Variants in PAQR5 observed in about 807,000 individuals in gnomAD.
PAQR5 encodes progestin and adipoQ receptor family member 5.
In PAQR5, 20 loss-of-function variants were observed where a neutral mutation model predicts 34.5. The ratio of observed to expected loss-of-function variants is 0.58; its 90% confidence interval spans 0.41 to 0.84. The LOEUF (loss-of-function observed/expected upper bound fraction) is 0.84. Among genes scored for constraint, PAQR5 ranks in the 40% least tolerant of loss-of-function variants. The pLI, the probability that PAQR5 is intolerant of heterozygous loss-of-function variation, is 0.00. For missense variants in PAQR5, 378 were observed against 412.7 expected (o/e 0.92, Z 0.73); for synonymous variants, 131 against 155.6 (o/e 0.84, Z 1.18).
intron 1 of PAQR5, among the ~76,000 whole-genome samples, chr15:69,319,470 C>T (rs2054044471): frequency 6.6e-6 from 1 of 151,664 alleles, no homozygotes; most frequent in African/African-American, 2.4e-5. Context: ...TTGGGCTGAG[C>T]ATGGGACTCA....
Position 69,382,734 on chromosome 15 carries a change from G to GTA in PAQR5, c.180-1933_180-1932dup, listed in dbSNP as rs1241083048. Reference sequence around the variant, plus strand: ...TGTATGTATATATGTATGTATATGTGTATATATATATGTGTGTATATATAT... The same window carrying GTA: ...TGTATGTATATATGTATGTATATGTGTATATATATATATGTGTGTATATATAT... On this transcript the variant is annotated intron_variant, in intron 4 of 8. Transcript: ENST00000395407. The GTA allele has an allele frequency of 3.6e-3, 469 of 131,558 alleles. 9 individuals are homozygous for GTA. Among genetic ancestry groups the GTA allele is most frequent in the African/African-American group, 0.012 (415 of 33,452 alleles). The allele number at this position is 131,558 out of a possible 1,614,324, so 8.1% of individuals were successfully genotyped here.
At chr15:69,391,473 C>T (rs549463005) in intron 6 of PAQR5, 50 of 253,072 alleles carry the variant, frequency 2.0e-4, no homozygotes, top group South Asian at 1.5e-3. Flanking sequence ...GAGTCCCTGC[C>T]GTGGATGAAG....
rs2140285965 is a variant in PAQR5 at position 69,405,161 on chromosome 15, CACAGAA to C, written c.*1341_*1346del. On this transcript the variant is annotated 3_prime_UTR_variant, in exon 9 of 9. Coordinates refer to ENST00000395407, the MANE Select transcript of PAQR5 (RefSeq NM_017705.4). Reference sequence around the variant, plus strand: ...AGTATTTCATGGTGTTTTCAGGGAACACAGAAATGCGGATGCAAAACAACTTTTGAC... The same window carrying C: ...AGTATTTCATGGTGTTTTCAGGGAACATGCGGATGCAAAACAACTTTTGAC... 3 of 393,732 alleles carry C rather than the reference CACAGAA, an allele frequency of 7.6e-6. No homozygotes were observed. The highest frequency in any genetic ancestry group is 4.1e-5 in the African/African-American group (2 of 48,632). The allele number at this position is 393,732 out of a possible 1,614,324, so 24.4% of individuals were successfully genotyped here. A position where few individuals can be genotyped will look rare whatever the true frequency, so the allele number is the denominator to read the frequency against.
At chr15:69,356,959 A>T (rs2055095036) in intron 2 of PAQR5, among the ~76,000 whole-genome samples, 1 of 151,950 alleles carries the variant, frequency 6.6e-6, no homozygotes, top group Admixed American at 6.6e-5. Flanking sequence ...TGTTTGTATC[A>T]TGGGGGCAGA....
chr15:69,365,038 C>T (rs967172945), intron 3 of PAQR5, among the ~76,000 whole-genome samples: 1 of 147,796 alleles, frequency 6.8e-6, no homozygotes, highest in Non-Finnish European at 1.5e-5. Flanking sequence ...ATCTGGCCTT[C>T]CCTTATGAAT....
intron 1 of PAQR5, among the ~76,000 whole-genome samples, chr15:69,309,509 G>C (rs1359664751): frequency 6.6e-6 from 1 of 152,188 alleles, no homozygotes; most frequent in Admixed American, 6.5e-5. Flanking sequence ...CGTGAGGAGA[G>C]AGTGAAGAAG....
At chr15:69,303,718 C>A (rs1315287443) in intron 1 of PAQR5, among the ~76,000 whole-genome samples, 1 of 152,108 alleles carries the variant, frequency 6.6e-6, no homozygotes, top group African/African-American at 2.4e-5. Context: ...GATAACCGAC[C>A]AGTCTGAGAA....
rs550166971 is a variant in PAQR5, at chr15:69,366,312, T to C, written c.51+6181T>C. On this transcript the variant is annotated intron_variant, in intron 3 of 8. Transcript: ENST00000395407. The stretch of plus-strand genomic sequence containing the variant: ...CTTTGTTTTAATGGCCAAATCATAG[T>C]CTATTGAATGGATATACCATAGTTT... Among the ~76,000 whole-genome samples the C allele has an allele frequency of 5.3e-5, 8 of 152,368 alleles. No homozygotes were observed. The East Asian group carries it at 1.5e-3, about 29-fold the overall frequency.
At chr15:69,389,111 C>T (rs907260595) in intron 5 of PAQR5, among the ~76,000 whole-genome samples, 3 of 152,240 alleles carry the variant, frequency 2.0e-5, no homozygotes, top group South Asian at 2.1e-4. Flanking sequence ...ATGACATCCT[C>T]GTCTCAGCAA....
intron 1 of PAQR5, among the ~76,000 whole-genome samples, chr15:69,330,668 G>T (rs1459605148): frequency 6.6e-6 from 1 of 152,094 alleles, no homozygotes; most frequent in African/African-American, 2.4e-5. Flanking sequence ...CTGGCTCATT[G>T]GTTACCCACC....
intron 4 of PAQR5, among the ~76,000 whole-genome samples, chr15:69,383,267 G>A (rs1030015445): frequency 3.4e-5 from 2 of 58,564 alleles, no homozygotes; most frequent in Admixed American, 2.2e-4. Flanking sequence ...GAGGGTGAGC[G>A]GCCCTGCGTG....
At chr15:69,343,536 G>A (rs1174007346) in intron 2 of PAQR5, among the ~76,000 whole-genome samples, 1 of 152,234 alleles carries the variant, frequency 6.6e-6, no homozygotes, top group Non-Finnish European at 1.5e-5. Context: ...TCCCTTTAAA[G>A]AGCAGAGTAG....
At chr15:69,300,325 G>A (rs1162363467) in intron 1 of PAQR5, among the ~76,000 whole-genome samples, 3 of 152,162 alleles carry the variant, frequency 2.0e-5, no homozygotes, top group Non-Finnish European at 2.9e-5. Flanking sequence ...GTTCCCTGCC[G>A]TAGCAATAGT....
At chr15:69,348,227 G>A (rs1007573601) in intron 2 of PAQR5, among the ~76,000 whole-genome samples, 3 of 152,178 alleles carry the variant, frequency 2.0e-5, no homozygotes, top group Admixed American at 1.3e-4. Context: ...ATTAATAATA[G>A]GAAGTGTTTG....
At chr15:69,380,334 G>T in intron 4 of PAQR5, 1 of 249,238 alleles carries the variant, frequency 4.0e-6, no homozygotes, top group South Asian at 7.1e-5. Context: ...GGTCTTCCAG[G>T]AGCCCTGGTT....
intron 3 of PAQR5, among the ~76,000 whole-genome samples, chr15:69,373,543 C>T (rs563724293): frequency 8.5e-5 from 13 of 152,286 alleles, no homozygotes; most frequent in African/African-American, 2.2e-4. Flanking sequence ...TAGATCAATA[C>T]GTCTATAATG....
At chr15:69,348,637 T>G (rs2054833720) in intron 2 of PAQR5, among the ~76,000 whole-genome samples, 1 of 152,110 alleles carries the variant, frequency 6.6e-6, no homozygotes, top group Non-Finnish European at 1.5e-5. Flanking sequence ...TCCAAGACGT[T>G]CCAAGTGAAG....
intron 1 of PAQR5, among the ~76,000 whole-genome samples, chr15:69,312,867 C>G (rs778373846): frequency 6.6e-6 from 1 of 152,028 alleles, no homozygotes; most frequent in East Asian, 1.9e-4. Context: ...TGGGGATTTG[C>G]CTGTTCTAAT....
In PAQR5 at chr15:69,403,948, G is replaced by A; in HGVS notation, c.*126G>A. 2 of 994,548 alleles carry A rather than the reference G, an allele frequency of 2.0e-6. No individual in the cohort carries two copies. The highest frequency in any genetic ancestry group is 3.3e-5 in the South Asian group (2 of 60,722). 61.6% of individuals were successfully genotyped at this position (994,548 alleles called of 1,614,324 possible). ...TCATAATGGTTGGTGTCTTTTGAATGAATTCATGTCAAAAATGTTATTCAG... is the reference window on the plus strand; with the variant it reads ...TCATAATGGTTGGTGTCTTTTGAATAAATTCATGTCAAAAATGTTATTCAG... On this transcript the variant is annotated 3_prime_UTR_variant, in exon 9 of 9. Coordinates refer to ENST00000395407, the MANE Select transcript of PAQR5 (RefSeq NM_017705.4).
Sources: allele counts gnomAD v4.1 joint callset (sites outside exome capture counted in the v4.1 genomes callset), GRCh38; gene constraint gnomAD v4.1.1; transcripts MANE v1.5; gene names NCBI Gene and HGNC (gene_info 2026-07-23, HGNC 2026-07-21).